The following DICER1 variants were observed in gnomAD, a reference collection of about 807,000 sequenced individuals.
DICER1 encodes dicer 1, ribonuclease III, also known as endoribonuclease Dicer.
Under a neutral mutation model 194.1 loss-of-function variants are expected in DICER1, and 43 were observed. The observed-to-expected ratio is 0.22, with a 90% CI of 0.17 to 0.29. DICER1 has a LOEUF of 0.29. Among genes scored for constraint, DICER1 ranks in the 10% least tolerant of loss-of-function variants. The pLI is 1.00. For synonymous variants in DICER1, 832 were observed against 820.5 expected (o/e 1.01, Z -0.24); for missense variants, 1,608 against 2,317.0 (o/e 0.69, Z 6.28).
In DICER1 at chr14:95,090,362, G is replaced by T; in HGVS notation, c.*136C>A. 1 of 974,020 alleles carries T rather than the reference G, an allele frequency of 1.0e-6. No individual in the cohort carries two copies. The highest frequency in any genetic ancestry group is 1.6e-6 in the Non-Finnish European group (1 of 627,872). 60.3% of individuals were successfully genotyped at this position (974,020 alleles called of 1,614,324 possible). On this transcript the variant is annotated 3_prime_UTR_variant, in exon 27 of 27. Transcript: ENST00000343455. ...AATGTTTTATTCTGTTATCTATCCT[G>T]TTATCAACCAAACTTTAAATTCTGC...
intron 1 of DICER1, among the ~76,000 whole-genome samples, chr14:95,142,998 A>G (rs1024295591): frequency 2.6e-5 from 4 of 152,232 alleles, no homozygotes; most frequent in African/African-American, 9.6e-5. Flanking sequence ...AGATTCTGAC[A>G]TTATTAACTT....
chr14:95,129,371 C>A lies in DICER1; in HGVS notation c.734+101G>T. 2.7e-6 allele frequency: 3 copies of A among 1,109,406 alleles called. No individual in the cohort carries two copies. The South Asian group carries it at 3.8e-5, about 14-fold the overall frequency. 68.7% of individuals were successfully genotyped at this position (1,109,406 alleles called of 1,614,324 possible). A position where few individuals can be genotyped will look rare whatever the true frequency, so the allele number is the denominator to read the frequency against. On this transcript the variant is annotated intron_variant, in intron 6 of 26. Transcript: ENST00000343455. ...CCATTCCTTTTTACTGCCATTTGTTCACTTAAATAGGTACTCTCTGCAAGG... is the reference window on the plus strand; with the variant it reads ...CCATTCCTTTTTACTGCCATTTGTTAACTTAAATAGGTACTCTCTGCAAGG...
chr14:95,106,367 T>C (rs1891428893), intron 17 of DICER1, 144 bp from the exon 18 acceptor site: 3 of 684,170 alleles, frequency 4.4e-6, no homozygotes, highest in African/African-American at 3.6e-5. Context: ...GTATTCCAAA[T>C]ATATTTCAAG....
chr14:95,142,957 A>G (rs1456322592), intron 1 of DICER1, among the ~76,000 whole-genome samples: 1 of 152,220 alleles, frequency 6.6e-6, no homozygotes, highest in Middle Eastern at 3.2e-3. Context: ...TGACAAAATA[A>G]TTTCAACTCA....
At position 95,105,250 on chromosome 14, in the gene DICER1, C is replaced by G. The variant is rs1595371340; in HGVS notation, c.3094-4G>C. 1 of 1,609,900 alleles carries G rather than the reference C, an allele frequency of 6.2e-7. No individual in the cohort carries two copies. The highest frequency in any genetic ancestry group is 8.5e-7 in the Non-Finnish European group (1 of 1,178,368). ...CACAGAGTTCTGGAACCAGTATCTT[C>G]AAGTAAGGGGAAAAATGGACAGATA... is the stretch of plus-strand genomic sequence containing the variant. On this transcript the variant is annotated splice_polypyrimidine_tract_variant and splice_region_variant and intron_variant, in intron 19 of 26. Coordinates refer to ENST00000343455, the MANE Select transcript of DICER1 (RefSeq NM_177438.3). This position sits in a 1 kb window ranked among gnomAD's most constrained non-coding sequence, Gnocchi z 4.9.
chr14:95,108,039 A>G lies in DICER1; in HGVS notation c.2491T>C (p.Leu831=), dbSNP rs1357970974. The G allele has an allele frequency of 1.9e-6, 3 of 1,614,024 alleles. No individual in the cohort carries two copies. The highest frequency in any genetic ancestry group is 2.5e-6 in the Non-Finnish European group (3 of 1,179,882). Residue 831 remains leucine, a synonymous_variant, in exon 16 of 27, where the codon TTG becomes CTG. Coordinates refer to ENST00000343455, the MANE Select transcript of DICER1 (RefSeq NM_177438.3). The stretch of plus-strand genomic sequence containing the variant: ...GACAACATGAAACCAGACTTCTTCA[A>G]CTCAATGGATATGGTAACCTCTCCA... ...RSGEVTISIE[L]KKSGFMLSLQ...
chr14:95,131,395 T>C (rs1893935746), intron 4 of DICER1, 114 bp downstream of exon 4: 3 of 963,226 alleles, frequency 3.1e-6, no homozygotes, highest in South Asian at 1.4e-5. Flanking sequence ...GCTGATTAAG[T>C]ATAGGAAATT....
intron 23 of DICER1, chr14:95,095,619 T>G (rs760695367): frequency 4.7e-4 from 292 of 626,018 alleles, no homozygotes; most frequent in Non-Finnish European, 5.2e-4. Flanking sequence ...ATAGCCATAC[T>G]CCCAACAACC....
At chr14:95,130,511 C>T (rs950865718) in intron 4 of DICER1, among the ~76,000 whole-genome samples, 3 of 152,186 alleles carry the variant, frequency 2.0e-5, no homozygotes, top group African/African-American at 7.2e-5. Context: ...AGGCAAATCA[C>T]AAAACAATTC....
At chr14:95,128,552 T>C (rs965819150) in intron 6 of DICER1, among the ~76,000 whole-genome samples, 3 of 152,240 alleles carry the variant, frequency 2.0e-5, no homozygotes, top group Admixed American at 1.3e-4. Context: ...AAAGAAAATT[T>C]TCCTCAAATT....
intron 1 of DICER1, among the ~76,000 whole-genome samples, chr14:95,147,134 A>G (rs12434687): frequency 0.59 from 89,733 of 152,064 alleles, 28,745 homozygotes; most frequent in South Asian, 0.77. Context: ...TTGTGTGACG[A>G]TAAGCTAGAG....
chr14:95,142,574 T>C (rs529843374), intron 1 of DICER1, among the ~76,000 whole-genome samples: 1 of 152,358 alleles, frequency 6.6e-6, no homozygotes, highest in South Asian at 2.1e-4. Flanking sequence ...TATTGCTAAG[T>C]TATCCACATT....
At chr14:95,093,833 T>C in intron 24 of DICER1, 55 bp downstream of exon 24, 5 of 1,590,992 alleles carry the variant, frequency 3.1e-6, no homozygotes, top group South Asian at 1.1e-5. Flanking sequence ...ACTCTGAAAC[T>C]ACAGAGACTC....
At chr14:95,093,630 G>T (rs192235440) in intron 24 of DICER1, among the ~76,000 whole-genome samples, 1 of 152,200 alleles carries the variant, frequency 6.6e-6, no homozygotes, top group Admixed American at 6.5e-5. Context: ...TCATGAAGGC[G>T]TGGGAAGGGT....
intron 3 of DICER1, 23 bp from the exon 4 acceptor site, chr14:95,131,662 A>G (rs1304103812): frequency 3.7e-6 from 6 of 1,610,310 alleles, no homozygotes; most frequent in African/African-American, 1.3e-5. Context: ...ATAATACTCC[A>G]TGTAAATATG....
intron 1 of DICER1, among the ~76,000 whole-genome samples, chr14:95,143,681 C>A (rs1894958354): frequency 6.6e-6 from 1 of 152,034 alleles, no homozygotes; most frequent in African/African-American, 2.4e-5. Context: ...CTTTGCCATC[C>A]CTTTAGTGAC....
At chr14:95,128,446 C>T (rs1408611517) in intron 6 of DICER1, among the ~76,000 whole-genome samples, 1 of 152,214 alleles carries the variant, frequency 6.6e-6, no homozygotes, top group African/African-American at 2.4e-5. Flanking sequence ...AAGTCAGACA[C>T]AGCACGTTCT....
chr14:95,109,220 C>A (rs987899992), intron 14 of DICER1, among the ~76,000 whole-genome samples: 1 of 152,142 alleles, frequency 6.6e-6, no homozygotes, highest in Middle Eastern at 3.2e-3. Context: ...TGCTGCTAGG[C>A]TTTCAATATT....
intron 1 of DICER1, among the ~76,000 whole-genome samples, chr14:95,139,970 G>A (rs988673977): frequency 3.3e-5 from 5 of 152,208 alleles, no homozygotes; most frequent in Admixed American, 2.6e-4. Flanking sequence ...TATAAAAACA[G>A]GAAAACCTAT....
Sources: gnomAD v4.1 joint callset for allele counts (sites outside exome capture counted in the v4.1 genomes callset) on GRCh38, gnomAD v4.1.1 for gene constraint, Gnocchi (gnomAD v3.1) non-coding constraint, MANE v1.5 for transcripts, NCBI Gene and HGNC (gene_info 2026-07-23, HGNC 2026-07-21) for gene names.